DHX37: variants seen among roughly 807,000 people sequenced by gnomAD.
DHX37 encodes the protein probable ATP-dependent RNA helicase DHX37.
A neutral mutation model predicts 134.3 loss-of-function variants in DHX37; 52 were observed. That is an observed-to-expected ratio of 0.39 (90% confidence interval 0.31 to 0.49). The LOEUF is 0.49. Among genes scored for constraint, DHX37 ranks in the 20% least tolerant of loss-of-function variants. DHX37 has a pLI of 0.93. For missense variants in DHX37, 1,344 were observed against 1,580.8 expected (o/e 0.85, Z 2.54); for synonymous variants, 634 against 670.7 (o/e 0.95, Z 0.85).
In DHX37 at chr12:124,953,868, A is replaced by G. The variant is rs12367953; in HGVS notation, c.2695+12T>C. On this transcript the variant is annotated intron_variant, in intron 20 of 26. Transcript: ENST00000308736. Reference sequence around the variant, plus strand: ...CCGCCGGGTGCAGCGGCGTGCCGGCACGGGGCCGTACCTGCGGTGGTCAGC... The same window carrying G: ...CCGCCGGGTGCAGCGGCGTGCCGGCGCGGGGCCGTACCTGCGGTGGTCAGC... 0.6 allele frequency: 970,481 copies of G among 1,607,198 alleles called. 297,541 individuals carry two copies. The highest frequency in any genetic ancestry group is 0.83 in the East Asian group (37,153 of 44,680).
intron 15 of DHX37, among the ~76,000 whole-genome samples, chr12:124,962,611 G>C (rs1251125854): frequency 1.3e-5 from 2 of 152,186 alleles, no homozygotes; most frequent in Non-Finnish European, 2.9e-5. Flanking sequence ...AGCTGAGATT[G>C]AACCATTGCA....
At chr12:124,984,046 A>G (rs1262696774) in intron 2 of DHX37, among the ~76,000 whole-genome samples, 3 of 152,210 alleles carry the variant, frequency 2.0e-5, no homozygotes, top group Non-Finnish European at 4.4e-5. Flanking sequence ...GGCTGTTAAC[A>G]GCATCCCATG....
Position 124,972,502 on chromosome 12 carries a change from C to A in DHX37, c.1077+1G>T. 1 of 1,614,164 alleles carries A rather than the reference C, an allele frequency of 6.2e-7. No individual in the cohort carries two copies. The highest frequency in any genetic ancestry group is 8.5e-7 in the Non-Finnish European group (1 of 1,179,988). ...TCTGTGAGCCAGGATCCACAACCAA[C>A]CTTCTGGATTTCTTTAAGCAGCACA... On this transcript the variant is annotated splice_donor_variant, in intron 7 of 26. Transcript: ENST00000308736. LOFTEE classifies it high-confidence loss of function.
At chr12:124,984,936 C>T (rs1954835307) in intron 2 of DHX37, among the ~76,000 whole-genome samples, 1 of 152,070 alleles carries the variant, frequency 6.6e-6, no homozygotes, top group Admixed American at 6.6e-5. Context: ...AGTATCTGAG[C>T]GCGACCTAAA....
intron 15 of DHX37, among the ~76,000 whole-genome samples, chr12:124,963,082 A>C (rs990843320): frequency 3.2e-4 from 49 of 152,192 alleles, no homozygotes; most frequent in African/African-American, 1.1e-3. Context: ...ACAATAGCCA[A>C]GAGGTGAAAA....
chr12:124,985,127 T>C (rs922068158), intron 2 of DHX37, among the ~76,000 whole-genome samples: 2 of 152,120 alleles, frequency 1.3e-5, no homozygotes, highest in African/African-American at 4.8e-5. Flanking sequence ...AATACCTTGA[T>C]CTCGGACTTC....
intron 10 of DHX37, 90 bp from the exon 11 acceptor site, chr12:124,967,308 C>T: frequency 7.0e-7 from 1 of 1,422,858 alleles, no homozygotes; most frequent in South Asian, 1.3e-5. Flanking sequence ...CTCTGAGAGG[C>T]AAGGTTCCAG....
At chr12:124,966,662 C>T (rs887227498) in intron 12 of DHX37, 131 bp downstream of exon 12, 12 of 970,100 alleles carry the variant, frequency 1.2e-5, no homozygotes, top group Non-Finnish European at 1.9e-5. Flanking sequence ...CTGTGCCTGA[C>T]CAGGAACTGG....
chr12:124,956,882 G>A lies in DHX37; in HGVS notation c.2265-3C>T, dbSNP rs771722918. ...GGTTCTCCTGCAGTTGCTTCACCCT[G>A]GAGATGGAGGTGGTGGTGGCAGTGC... On this transcript the variant is annotated splice_region_variant and splice_polypyrimidine_tract_variant and intron_variant, in intron 17 of 26. Transcript: ENST00000308736. The A allele has an allele frequency of 1.9e-6, 3 of 1,582,230 alleles. No homozygotes were observed. Among genetic ancestry groups the A allele is most frequent in the Non-Finnish European group, 2.6e-6 (3 of 1,158,144 alleles).
chr12:124,974,464 CAA>C (rs1954589121), intron 6 of DHX37, among the ~76,000 whole-genome samples: 2 of 143,032 alleles, frequency 1.4e-5, no homozygotes, highest in Admixed American at 1.4e-4. Flanking sequence ...GCCTAACGTA[CAA>C]AGACAACAAG....
intron 5 of DHX37, among the ~76,000 whole-genome samples, chr12:124,976,201 G>A (rs552146096): frequency 1.3e-4 from 20 of 152,334 alleles, no homozygotes; most frequent in Admixed American, 6.5e-4. Context: ...TGAGTCCACC[G>A]GGAGGGGACT....
At chr12:124,953,215 C>T (rs1317398557) in intron 20 of DHX37, 1 of 152,852 alleles carries the variant, frequency 6.5e-6, no homozygotes, top group Non-Finnish European at 1.5e-5. Flanking sequence ...TCTGGAAAGC[C>T]ACAGCCAGAA....
rs772538928 is a variant in DHX37 at position 124,950,233 on chromosome 12, G to C, written c.3132C>G (p.Gly1044=). 3 of 1,613,674 alleles carry C rather than the reference G, an allele frequency of 1.9e-6. No individual in the cohort carries two copies. The highest frequency in any genetic ancestry group is 2.7e-5 in the African/African-American group (2 of 75,068). ...CHRASVFYRV[G]WPLPAIEVDF... ...CCACCTCGATGGCGGGGAGCGGCCA[G>C]CCCACGCGATCTAGAAGGTGGGAGC... is the stretch of plus-strand genomic sequence containing the variant. Residue 1044 remains glycine, a synonymous_variant, in exon 24 of 27, where the codon GGC becomes GGG. Coordinates refer to ENST00000308736, the MANE Select transcript of DHX37 (RefSeq NM_032656.4).
rs143086024 is a variant in DHX37, at chr12:124,953,933, C to G, written c.2642G>C (p.Arg881Pro). 3.7e-6 allele frequency: 6 copies of G among 1,612,920 alleles called. No homozygotes were observed. Among genetic ancestry groups the G allele is most frequent in the Non-Finnish European group, 5.1e-6 (6 of 1,179,798 alleles). The change falls in exon 20 of 27, where the codon CGG becomes CCG. Residue 881 changes from arginine to proline, a missense_variant. Physicochemically the swap from Arg to Pro is moderately radical, Grantham distance 103. Around this residue, in one of 7 missense-constraint regions of DHX37, gnomAD observed 558 missense variants for 650.0 expected, o/e 0.86. Coordinates refer to ENST00000308736, the MANE Select transcript of DHX37 (RefSeq NM_032656.4). ...CCGGATCTCCATCATGGCTTTGTAC[C>G]GCAGCCCGTTGGCTTCGCAAAACTG... ...TPQFCEANGL[R>P]YKAMMEIRRL...
At chr12:124,966,221 A>G (rs1954384642) in intron 12 of DHX37, among the ~76,000 whole-genome samples, 1 of 152,154 alleles carries the variant, frequency 6.6e-6, no homozygotes, top group South Asian at 2.1e-4. Context: ...GGTGCACACC[A>G]CCATGCCTGG....
chr12:124,962,511 C>A (rs1954287104), intron 15 of DHX37, among the ~76,000 whole-genome samples: 1 of 152,114 alleles, frequency 6.6e-6, no homozygotes, highest in African/African-American at 2.4e-5. Context: ...CAAAAATTAG[C>A]TGGGCGTGGT....
At chr12:124,965,077 G>T (rs144398780) in intron 13 of DHX37, 71 bp from the exon 14 acceptor site, 1 of 1,502,006 alleles carries the variant, frequency 6.7e-7, no homozygotes, top group South Asian at 1.2e-5. Flanking sequence ...TGGCCACAGC[G>T]GCCCTGCACC....
At chr12:124,956,157 A>G (rs879525751) in intron 18 of DHX37, among the ~76,000 whole-genome samples, 2 of 152,224 alleles carry the variant, frequency 1.3e-5, no homozygotes, top group Non-Finnish European at 2.9e-5. Context: ...TTCACAGTGG[A>G]CGAGAGATGG....
At chr12:124,967,281 G>C in intron 10 of DHX37, 63 bp from the exon 11 acceptor site, 1 of 1,550,882 alleles carries the variant, frequency 6.4e-7, no homozygotes. Context: ...CTTAGCAAAA[G>C]CACCTGCCAA....
Sources: gnomAD v4.1 joint callset for allele counts (sites outside exome capture counted in the v4.1 genomes callset) on GRCh38, gnomAD v4.1.1 for gene constraint, gnomAD v4.1.1 regional missense constraint, MANE v1.5 for transcripts, NCBI Gene and HGNC (gene_info 2026-07-23, HGNC 2026-07-21) for gene names.